Variants in NBEA observed in about 807,000 individuals in gnomAD.
NBEA encodes lysosomal-trafficking regulator 2.
A neutral mutation model predicts 343.4 loss-of-function variants in NBEA; 44 were observed. The ratio of observed to expected loss-of-function variants is 0.13; its 90% confidence interval spans 0.10 to 0.16. The LOEUF is 0.16. NBEA is among the 10% of genes least tolerant of loss of function. NBEA has a pLI of 1.00. For missense variants in NBEA, 2,555 were observed against 3,631.3 expected (o/e 0.70, Z 7.62); for synonymous variants, 1,175 against 1,238.7 (o/e 0.95, Z 1.08).
intron 38 of NBEA, among the ~76,000 whole-genome samples, chr13:35,373,334 A>G (rs1219356938): frequency 6.6e-6 from 1 of 152,220 alleles, no homozygotes; most frequent in Non-Finnish European, 1.5e-5. Context: ...AAAGCCCCAC[A>G]TAACACATAT....
intron 10 of NBEA, among the ~76,000 whole-genome samples, chr13:35,083,018 C>T (rs1332390063): frequency 6.6e-6 from 1 of 152,058 alleles, no homozygotes; most frequent in Non-Finnish European, 1.5e-5. Flanking sequence ...AATGGTATTG[C>T]CTAGGTTTTC....
At chr13:34,983,181 C>T (rs1333967314) in intron 1 of NBEA, among the ~76,000 whole-genome samples, 1 of 152,114 alleles carries the variant, frequency 6.6e-6, no homozygotes, top group East Asian at 1.9e-4. Flanking sequence ...TGACCCCCAC[C>T]CCACACCAGG....
chr13:35,179,816 T>A lies in NBEA; in HGVS notation c.4663-2544T>A, dbSNP rs1482217480. ...GTTCTTGGTTGGTATCTTTTCTTAA[T>A]CTGATTGTGCTTCATTTTCCTTTGT... is the stretch of plus-strand genomic sequence containing the variant. On this transcript the variant is annotated intron_variant, in intron 28 of 58. Coordinates refer to ENST00000379939, the MANE Select transcript of NBEA (RefSeq NM_001385012.1). 4.1e-6 allele frequency: 4 copies of A among 983,574 alleles called. No individual in the cohort carries two copies. In the African/African-American group the frequency reaches 7.0e-5, roughly 17 times the overall value. 60.9% of individuals were successfully genotyped at this position (983,574 alleles called of 1,614,324 possible).
intron 1 of NBEA, among the ~76,000 whole-genome samples, chr13:35,006,412 C>T (rs1180273733): frequency 6.6e-6 from 1 of 151,894 alleles, no homozygotes; most frequent in East Asian, 1.9e-4. Context: ...TTCATTTATC[C>T]TTCTCCCAAA....
chr13:35,207,247 T>G (rs1166889110), intron 31 of NBEA, among the ~76,000 whole-genome samples: 1 of 150,854 alleles, frequency 6.6e-6, no homozygotes, highest in Admixed American at 6.7e-5. Flanking sequence ...AGTGTTGATA[T>G]TAAGGAAGTT....
At chr13:35,165,711 G>T (rs1344398131) in intron 24 of NBEA, among the ~76,000 whole-genome samples, 3 of 145,148 alleles carry the variant, frequency 2.1e-5, no homozygotes, top group Non-Finnish European at 3.0e-5. Context: ...TTTTGACAGA[G>T]TATCATTCTG....
chr13:35,323,320 T>C (rs971419439), intron 36 of NBEA, among the ~76,000 whole-genome samples: 1 of 151,946 alleles, frequency 6.6e-6, no homozygotes, highest in Non-Finnish European at 1.5e-5. Flanking sequence ...AACCCAAATG[T>C]CCAACAATGA....
At chr13:35,142,711 C>G (rs757214540) in intron 18 of NBEA, among the ~76,000 whole-genome samples, 3 of 152,004 alleles carry the variant, frequency 2.0e-5, no homozygotes, top group African/African-American at 7.3e-5. Flanking sequence ...TGTTTTTATC[C>G]TCTCGTTCCT....
At chr13:35,503,781 G>A (rs2076976538) in intron 41 of NBEA, among the ~76,000 whole-genome samples, 2 of 151,900 alleles carry the variant, frequency 1.3e-5, no homozygotes, top group Non-Finnish European at 1.5e-5. Context: ...GTCAATATAG[G>A]TATTATTATT....
chr13:35,289,936 A>G (rs2035695308), intron 34 of NBEA, among the ~76,000 whole-genome samples: 1 of 151,854 alleles, frequency 6.6e-6, no homozygotes, highest in Non-Finnish European at 1.5e-5. Flanking sequence ...TTTGTAAATT[A>G]ATTTTGTCTT....
At chr13:35,036,378 T>C (rs768667609) in intron 1 of NBEA, among the ~76,000 whole-genome samples, 2 of 152,108 alleles carry the variant, frequency 1.3e-5, no homozygotes, top group Admixed American at 6.6e-5. Flanking sequence ...GTTGTAGTTA[T>C]TATTTTTGCT....
At chr13:35,017,437 G>A (rs545449872) in intron 1 of NBEA, among the ~76,000 whole-genome samples, 1 of 152,268 alleles carries the variant, frequency 6.6e-6, no homozygotes, top group East Asian at 1.9e-4. Context: ...TATAAGAAAT[G>A]TGTGAAAGGT....
chr13:35,148,761 A>G (rs144526448), intron 18 of NBEA, among the ~76,000 whole-genome samples: 1 of 152,194 alleles, frequency 6.6e-6, no homozygotes, highest in African/African-American at 2.4e-5. Flanking sequence ...CTTTTCTGGT[A>G]AAGGGACAGA....
intron 28 of NBEA, among the ~76,000 whole-genome samples, chr13:35,177,681 A>T (rs2071008630): frequency 6.6e-6 from 1 of 151,786 alleles, no homozygotes; most frequent in Non-Finnish European, 1.5e-5. Context: ...GGCCTTTTCA[A>T]AAATTGCATA....
At chr13:35,531,865 A>G (rs960899679) in intron 41 of NBEA, among the ~76,000 whole-genome samples, 10 of 152,200 alleles carry the variant, frequency 6.6e-5, no homozygotes, top group Non-Finnish European at 1.0e-4. Flanking sequence ...ACCTGCCCCT[A>G]TGGAACATCT....
intron 40 of NBEA, 43 bp from the exon 41 acceptor site, chr13:35,472,357 G>C: frequency 1.3e-6 from 2 of 1,596,020 alleles, no homozygotes; most frequent in Non-Finnish European, 1.7e-6. Context: ...AGCAGGAAGG[G>C]CCACAGGGGC....
intron 10 of NBEA, among the ~76,000 whole-genome samples, chr13:35,075,533 T>C (rs2064074221): frequency 1.3e-5 from 2 of 152,108 alleles, no homozygotes; most frequent in South Asian, 4.1e-4. Context: ...GCTAGAAGGA[T>C]GGAATGTAAG....
chr13:35,641,704 A>T (rs1293240255), intron 49 of NBEA, among the ~76,000 whole-genome samples: 2 of 152,118 alleles, frequency 1.3e-5, no homozygotes, highest in African/African-American at 4.8e-5. Context: ...GGGGAGGCAC[A>T]CAAGGTTACC....
intron 27 of NBEA, among the ~76,000 whole-genome samples, chr13:35,176,408 C>G (rs1307733713): frequency 1.3e-5 from 2 of 151,914 alleles, no homozygotes; most frequent in Non-Finnish European, 2.9e-5. Context: ...TTTCAGGGAC[C>G]CTAGTTCACT....
Sources: allele counts gnomAD v4.1 joint callset (sites outside exome capture counted in the v4.1 genomes callset), GRCh38; gene constraint gnomAD v4.1.1; transcripts MANE v1.5; gene names NCBI Gene and HGNC (gene_info 2026-07-23, HGNC 2026-07-21).